The following GALNT13 variants were observed in gnomAD, a reference collection of about 807,000 sequenced individuals.
The protein encoded by GALNT13 is polypeptide N-acetylgalactosaminyltransferase 13.
GALNT13 carries 28 observed loss-of-function variants against 64.2 expected under a neutral mutation model. The observed-to-expected ratio is 0.44, with a 90% CI of 0.32 to 0.60. The LOEUF (loss-of-function observed/expected upper bound fraction) is 0.60, where lower values mean the gene tolerates loss of function less well. Ranked by LOEUF, GALNT13 falls within the 20% of genes least tolerant of loss-of-function variation. GALNT13 has a pLI of 0.05. For missense variants in GALNT13, 577 were observed against 669.8 expected, an observed-to-expected ratio of 0.86 and a Z score of 1.53; for synonymous variants, 214 against 224.6, an observed-to-expected ratio of 0.95 and a Z score of 0.42.
the GALNT13 span, among the ~76,000 whole-genome samples, chr2:153,269,334 C>CAGATCTCT: frequency 1.3e-5 from 2 of 152,306 alleles, no homozygotes; most frequent in Non-Finnish European, 2.9e-5. Flanking sequence ...GATTCAAAGA[C>CAGATCTCT]AGATCTCTAG....
At chr2:153,421,892 A>C in the GALNT13 span, 1 of 50,382 alleles carries the variant, frequency 2.0e-5, no homozygotes, top group African/African-American at 6.6e-4. Context: ...CAGGTAGTAG[A>C]GCTCCCGGCA....
the GALNT13 span, among the ~76,000 whole-genome samples, chr2:153,202,586 G>A: frequency 6.6e-6 from 1 of 152,178 alleles, no homozygotes; most frequent in African/African-American, 2.4e-5. Flanking sequence ...ACAAGTGTGT[G>A]TGTTGAGAAT....
chr2:153,640,980 CTT>C, the GALNT13 span, among the ~76,000 whole-genome samples: 1 of 151,966 alleles, frequency 6.6e-6, no homozygotes, highest in African/African-American at 2.4e-5. Context: ...GGGGAAGTCT[CTT>C]TGTGGAGTCT....
At chr2:153,562,060 CTGTGTGTGTGTGTG>C in the GALNT13 span, among the ~76,000 whole-genome samples, 19,566 of 118,760 alleles carry the variant, frequency 0.16, 1,872 homozygotes, top group East Asian at 0.24. Context: ...CTCTCTCTCT[CTGTGTGTGTGTGTG>C]TGTGTGTGTG....
intron 9 of GALNT13, among the ~76,000 whole-genome samples, chr2:154,312,158 T>C (rs1289360755): frequency 6.6e-6 from 1 of 152,186 alleles, no homozygotes; most frequent in East Asian, 1.9e-4. Context: ...ATGAAATCTT[T>C]ACAATTTATG....
chr2:154,123,030 G>T (rs892716045), intron 3 of GALNT13, among the ~76,000 whole-genome samples: 61 of 151,914 alleles, frequency 4.0e-4, no homozygotes, highest in African/African-American at 1.4e-3. Flanking sequence ...AACAAGAAGA[G>T]AATGGAATGG....
chr2:154,054,942 A>C (rs1322327598), intron 3 of GALNT13, among the ~76,000 whole-genome samples: 1 of 152,014 alleles, frequency 6.6e-6, no homozygotes, highest in East Asian at 1.9e-4. Flanking sequence ...TCAGTGTCTA[A>C]TTATGTTGAT....
the GALNT13 span, among the ~76,000 whole-genome samples, chr2:153,432,648 G>A: frequency 2.6e-5 from 4 of 151,912 alleles, no homozygotes; most frequent in African/African-American, 4.8e-5. Flanking sequence ...TCATCCACCT[G>A]ATCTAGTTGT....
intron 3 of GALNT13, among the ~76,000 whole-genome samples, chr2:154,031,654 T>C (rs1173202854): frequency 1.3e-5 from 2 of 151,928 alleles, no homozygotes; most frequent in Admixed American, 6.6e-5. Context: ...AGGTTAAACA[T>C]GAACATTAAA....
the GALNT13 span, among the ~76,000 whole-genome samples, chr2:153,210,926 A>T: frequency 3.3e-5 from 5 of 152,218 alleles, no homozygotes; most frequent in Admixed American, 6.5e-5. Context: ...ACAATATAAT[A>T]GTAATAATTA....
intron 3 of GALNT13, among the ~76,000 whole-genome samples, chr2:154,077,586 T>C (rs1189137494): frequency 6.6e-6 from 1 of 151,508 alleles, no homozygotes; most frequent in Non-Finnish European, 1.5e-5. Context: ...TTGTAAGGGA[T>C]TGGTCAAATG....
chr2:154,353,476 A>G (rs544186441), intron 9 of GALNT13, among the ~76,000 whole-genome samples: 1 of 152,232 alleles, frequency 6.6e-6, no homozygotes, highest in South Asian at 2.1e-4. Flanking sequence ...CTAATACAAT[A>G]CAAATTTATT....
intron 12 of GALNT13, among the ~76,000 whole-genome samples, chr2:154,440,849 T>C (rs967301674): frequency 6.6e-6 from 1 of 152,274 alleles, no homozygotes; most frequent in South Asian, 2.1e-4. Context: ...ATTTCAGCTT[T>C]GATGTGCGAT....
chr2:154,092,628 G>T (rs557514423), intron 3 of GALNT13, among the ~76,000 whole-genome samples: 10 of 152,108 alleles, frequency 6.6e-5, no homozygotes, highest in African/African-American at 2.4e-4. Context: ...ATAAGAAGTG[G>T]CTTGAAGGGT....
the GALNT13 span, among the ~76,000 whole-genome samples, chr2:153,862,340 A>T: frequency 7.6e-6 from 1 of 131,236 alleles, no homozygotes. Context: ...GCAAAAATAC[A>T]CTTAAATGTT....
intron 3 of GALNT13, among the ~76,000 whole-genome samples, chr2:154,092,981 C>T (rs1179576932): frequency 2.6e-5 from 4 of 151,942 alleles, no homozygotes; most frequent in East Asian, 1.9e-4. Context: ...AAATGTAAAA[C>T]GCACAACACG....
chr2:153,249,411 T>C, the GALNT13 span, among the ~76,000 whole-genome samples: 4 of 152,326 alleles, frequency 2.6e-5, no homozygotes, highest in African/African-American at 9.6e-5. Flanking sequence ...TTCATGCTCA[T>C]TGATAGAAAG....
chr2:153,364,325 CACAAG>C, the GALNT13 span, among the ~76,000 whole-genome samples: 1 of 151,856 alleles, frequency 6.6e-6, no homozygotes, highest in Non-Finnish European at 1.5e-5. Flanking sequence ...TGAAAACTGG[CACAAG>C]ACAAGAATGC....
rs567564308 is a variant in GALNT13, at chr2:154,391,698, T to C, written c.1157-4293T>C. 7.9e-5 allele frequency among the ~76,000 whole-genome samples: 12 copies of C among 152,324 alleles called. No individual in the cohort carries two copies. In the South Asian group the frequency reaches 2.5e-3, roughly 32 times the overall value. ...ATATTCCAGTCATTGTACTAAACCT[T>C]TTCCAGGCATTATTTATTTAGTAGT... is the stretch of plus-strand genomic sequence containing the variant. On this transcript the variant is annotated intron_variant, in intron 9 of 12. Transcript: ENST00000392825.
Sources: gnomAD v4.1 joint callset for allele counts (sites outside exome capture counted in the v4.1 genomes callset) on GRCh38, gnomAD v4.1.1 for gene constraint, MANE v1.5 for transcripts, NCBI Gene and HGNC (gene_info 2026-07-23, HGNC 2026-07-21) for gene names.